The following CCNK variants were observed in gnomAD, a reference collection of about 807,000 sequenced individuals.
CCNK encodes cyclin-K.
In CCNK, 9 loss-of-function variants were observed where a neutral mutation model predicts 65.0. That is an observed-to-expected ratio of 0.14 (90% CI 0.08 to 0.24). CCNK has a LOEUF of 0.24. Among genes scored for constraint, CCNK ranks in the 10% least tolerant of loss-of-function variants. The pLI, the probability that CCNK is intolerant of heterozygous loss-of-function variation, is 1.00. For missense variants in CCNK, 474 were observed against 720.0 expected (o/e 0.66, Z 3.91); for synonymous variants, 279 against 270.8 (o/e 1.03, Z -0.30).
At chr14:99,500,570 T>C (rs1315716285) in intron 4 of CCNK, 196 bp from the exon 5 acceptor site, 1 of 555,978 alleles carries the variant, frequency 1.8e-6, no homozygotes, top group Non-Finnish European at 3.2e-6. Context: ...TGCTTTGTCT[T>C]CCTGTTTGAG....
At chr14:99,483,088 C>T (rs1268706202) in intron 1 of CCNK, among the ~76,000 whole-genome samples, 1 of 152,178 alleles carries the variant, frequency 6.6e-6, no homozygotes, top group African/African-American at 2.4e-5. Context: ...TGATAGAAGA[C>T]TAGAATCTGG....
chr14:99,500,557 C>T lies in CCNK; in HGVS notation c.412-209C>T, dbSNP rs1595314325. The T allele has an allele frequency of 5.8e-6, 3 of 521,056 alleles. No individual in the cohort carries two copies. The East Asian group carries it at 1.0e-4, about 18-fold the overall frequency. The allele number at this position is 521,056 out of a possible 1,614,324, so 32.3% of individuals were successfully genotyped here. ...TTCAGTATTTTTTTTTACATTACAC[C>T]TCTGCTTTGTCTTCCTGTTTGAGAT... On this transcript the variant is annotated intron_variant, in intron 4 of 10. Coordinates refer to ENST00000389879, the MANE Select transcript of CCNK (RefSeq NM_001099402.2).
Position 99,495,480 on chromosome 14 carries a change from CT to C in CCNK, c.280-14del. 1 of 1,593,950 alleles carries C rather than the reference CT, an allele frequency of 6.3e-7. No individual in the cohort carries two copies. Among genetic ancestry groups the C allele is most frequent in the Non-Finnish European group, 8.5e-7 (1 of 1,173,842 alleles). On this transcript the variant is annotated splice_polypyrimidine_tract_variant and intron_variant, in intron 3 of 10. Transcript: ENST00000389879. ...GACCTTTGATAACAAAAATCAAGAA[CT>C]TTTGTTTCCCTTTTAGGTGACAGGA...
chr14:99,486,914 C>T (rs1259781877), intron 1 of CCNK, among the ~76,000 whole-genome samples: 1 of 152,160 alleles, frequency 6.6e-6, no homozygotes, highest in Non-Finnish European at 1.5e-5. Context: ...GACAAATATT[C>T]ATATATTTCT....
At chr14:99,492,323 G>A (rs562948030) in intron 1 of CCNK, 1 of 199,746 alleles carries the variant, frequency 5.0e-6, no homozygotes, top group Non-Finnish European at 1.0e-5. Flanking sequence ...AGAAGAAAGT[G>A]AGATATACTT....
At chr14:99,505,825 C>G (rs1051113129) in intron 9 of CCNK, 2 of 152,284 alleles carry the variant, frequency 1.3e-5, no homozygotes, top group African/African-American at 4.8e-5. Context: ...TTACTACACT[C>G]CAGCCTGGGT....
intron 1 of CCNK, among the ~76,000 whole-genome samples, chr14:99,489,032 T>C (rs1166459897): frequency 2.0e-5 from 3 of 152,062 alleles, no homozygotes; most frequent in Non-Finnish European, 4.4e-5. Context: ...AGAAACCTGC[T>C]TCCTTTTAGA....
At chr14:99,483,799 A>T (rs1373017409) in intron 1 of CCNK, among the ~76,000 whole-genome samples, 1 of 152,194 alleles carries the variant, frequency 6.6e-6, no homozygotes, top group East Asian at 1.9e-4. Flanking sequence ...GCCTGGGGAG[A>T]TGTCTTTGGA....
Position 99,510,308 on chromosome 14 carries a change from AC to A in CCNK, c.1275del (p.Ser426ProfsTer4). The A allele has an allele frequency of 1.5e-5, 5 of 343,248 alleles. No homozygotes were observed. Among genetic ancestry groups the A allele is most frequent in the Non-Finnish European group, 1.8e-5 (4 of 217,114 alleles). The allele number at this position is 343,248 out of a possible 1,614,324, so 21.3% of individuals were successfully genotyped here. A position where few individuals can be genotyped will look rare whatever the true frequency, so the allele number is the denominator to read the frequency against. On this transcript the variant is annotated frameshift_variant, in exon 11 of 11. Coordinates refer to ENST00000389879, the MANE Select transcript of CCNK (RefSeq NM_001099402.2). LOFTEE classifies it high-confidence loss of function. ...CGCTGCCACACCGGCCCCCGCCCCC[AC>A]CCCCCTCCAGCTACATGACCGGGAT... ...PPLPHRPPPP[P>X]PSSYMTGMST...
chr14:99,482,285 T>C (rs1011770268), intron 1 of CCNK, among the ~76,000 whole-genome samples: 1 of 152,244 alleles, frequency 6.6e-6, no homozygotes, highest in African/African-American at 2.4e-5. Flanking sequence ...TCGATCTAAA[T>C]CGCTGTTTAC....
At chr14:99,502,582 A>G in intron 7 of CCNK, 137 bp from the exon 8 acceptor site, 3 of 1,203,810 alleles carry the variant, frequency 2.5e-6, no homozygotes, top group Non-Finnish European at 3.5e-6. Context: ...AGTGTTGCAC[A>G]CAACGAAGAT....
chr14:99,492,181 G>T (rs1432002547), intron 1 of CCNK: 1 of 153,216 alleles, frequency 6.5e-6, no homozygotes, highest in African/African-American at 2.4e-5. Context: ...AAACTGAAAA[G>T]GGGTGCTGGA....
chr14:99,483,223 A>AT (rs772187471), intron 1 of CCNK, among the ~76,000 whole-genome samples: 7 of 152,144 alleles, frequency 4.6e-5, no homozygotes, highest in Non-Finnish European at 7.3e-5. Context: ...AGGAGAGCTG[A>AT]TTCCCTGAAG....
intron 7 of CCNK, 52 bp from the exon 8 acceptor site, chr14:99,502,667 T>A (rs909955801): frequency 6.4e-7 from 1 of 1,558,336 alleles, no homozygotes; most frequent in African/African-American, 1.4e-5. Flanking sequence ...CCAGGTAAAA[T>A]TTTATTTAAA....
chr14:99,501,668 A>G, intron 6 of CCNK: 1 of 456,248 alleles, frequency 2.2e-6, no homozygotes, highest in Non-Finnish European at 3.9e-6. Flanking sequence ...AGTCCAAAAC[A>G]ATACACTGGA....
intron 6 of CCNK, 114 bp from the exon 7 acceptor site, chr14:99,502,093 T>C: frequency 2.6e-6 from 3 of 1,158,262 alleles, no homozygotes; most frequent in Non-Finnish European, 3.5e-6. Flanking sequence ...AGTACTTTAA[T>C]TAAATTTAGG....
At chr14:99,492,960 A>T (rs1896626462) in intron 2 of CCNK, 86 bp downstream of exon 2, 7 of 1,123,574 alleles carry the variant, frequency 6.2e-6, no homozygotes, top group Non-Finnish European at 8.6e-6. Context: ...CAAAATATAT[A>T]GTAATTTCTC....
At chr14:99,481,509 C>A in intron 1 of CCNK, 30 bp downstream of exon 1, 1 of 398,652 alleles carries the variant, frequency 2.5e-6, no homozygotes, top group Non-Finnish European at 4.4e-6. Flanking sequence ...AGGGCAGCGC[C>A]GCCCACCTCC....
chr14:99,510,352 A>G lies in CCNK; in HGVS notation c.1313A>G (p.Tyr438Cys). The change falls in exon 11 of 11, where the codon TAC (tyrosine) becomes TGC (cysteine). Residue 438 changes from tyrosine (Y) to cysteine (C), a missense_variant. By Grantham distance (194) the Tyr-to-Cys change is radical. Coordinates refer to ENST00000389879, the MANE Select transcript of CCNK (RefSeq NM_001099402.2). ...YMTGMSTTSSYMSGEGYQSLQ... is the reference protein window; with the variant it reads ...YMTGMSTTSSCMSGEGYQSLQ... ...ACCGGGATGTCCACCACCAGCTCCT[A>G]CATGTCTGGAGAGGGCTACCAGAGC... The G allele has an allele frequency of 6.5e-7, 1 of 1,543,888 alleles. No individual in the cohort carries two copies. The highest frequency in any genetic ancestry group is 8.7e-7 in the Non-Finnish European group (1 of 1,147,952).
Sources: gnomAD v4.1 joint callset for allele counts (sites outside exome capture counted in the v4.1 genomes callset) on GRCh38, gnomAD v4.1.1 for gene constraint, MANE v1.5 for transcripts, NCBI Gene and HGNC (gene_info 2026-07-23, HGNC 2026-07-21) for gene names.